CHD7: variants seen among roughly 807,000 people sequenced by gnomAD.
The protein encoded by CHD7 is ATP-dependent chromatin remodeler CHD7.
In CHD7, 24 loss-of-function variants were observed where a neutral mutation model predicts 307.3. That is an observed-to-expected ratio of 0.08 (90% CI 0.06 to 0.11). The LOEUF is 0.11. Ranked by LOEUF, CHD7 falls within the 10% of genes least tolerant of loss-of-function variation. The pLI is 1.00. For synonymous variants in CHD7, 1,363 were observed against 1,349.9 expected, an observed-to-expected ratio of 1.01 and a Z score of -0.21; for missense variants, 3,106 against 3,727.1, an observed-to-expected ratio of 0.83 and a Z score of 4.34.
chr8:60,791,023 G>A (rs1373518115), intron 3 of CHD7, among the ~76,000 whole-genome samples: 2 of 152,112 alleles, frequency 1.3e-5, no homozygotes, highest in Middle Eastern at 3.2e-3. Flanking sequence ...TGTATGCCTG[G>A]AAGCATAAGA....
At chr8:60,714,305 C>T (rs976582234) in intron 1 of CHD7, among the ~76,000 whole-genome samples, 2 of 151,766 alleles carry the variant, frequency 1.3e-5, no homozygotes, top group Non-Finnish European at 2.9e-5. Context: ...GCGCTCGCTT[C>T]ACCTCATGCC....
intron 6 of CHD7, among the ~76,000 whole-genome samples, chr8:60,805,402 A>G (rs775908060): frequency 2.6e-5 from 4 of 152,200 alleles, no homozygotes; most frequent in Admixed American, 6.5e-5. Context: ...TGAAACATCC[A>G]AAAGATAACA....
intron 37 of CHD7, chr8:60,863,726 ATC>A (rs1293224552): frequency 1.3e-5 from 2 of 148,484 alleles, no homozygotes; most frequent in Non-Finnish European, 3.0e-5. Context: ...CCCATACAAT[ATC>A]TTTTTTTTTC....
chr8:60,688,192 G>A (rs369606898), intron 1 of CHD7, among the ~76,000 whole-genome samples: 10 of 152,144 alleles, frequency 6.6e-5, no homozygotes, highest in South Asian at 2.1e-4. Context: ...CTTCTGAGGC[G>A]GCTGAGAATT....
At chr8:60,690,133 C>T (rs1792896716) in intron 1 of CHD7, among the ~76,000 whole-genome samples, 1 of 151,772 alleles carries the variant, frequency 6.6e-6, no homozygotes, top group African/African-American at 2.4e-5. Context: ...GTATACAGTT[C>T]AAATGTATAA....
chr8:60,857,592 A>G (rs1261388724), intron 34 of CHD7, among the ~76,000 whole-genome samples: 1 of 152,196 alleles, frequency 6.6e-6, no homozygotes, highest in African/African-American at 2.4e-5. Context: ...TCTTGAACCT[A>G]TTGACCAGAA....
chr8:60,700,619 C>T (rs965644147), intron 1 of CHD7, among the ~76,000 whole-genome samples: 7 of 152,164 alleles, frequency 4.6e-5, no homozygotes, highest in African/African-American at 7.2e-5. Flanking sequence ...GGTTGGGTGC[C>T]GGCTGGTGCC....
At chr8:60,800,624 C>A in intron 5 of CHD7, 99 bp downstream of exon 5, 1 of 1,193,730 alleles carries the variant, frequency 8.4e-7, no homozygotes, top group Non-Finnish European at 1.2e-6. Flanking sequence ...ATTGGACTTT[C>A]AGCAGGGGAA....
chr8:60,716,963 T>C (rs1223155110), intron 1 of CHD7, among the ~76,000 whole-genome samples: 1 of 152,120 alleles, frequency 6.6e-6, no homozygotes, highest in Admixed American at 6.5e-5. Context: ...TTGAAGACAG[T>C]GTTTCTCTTT....
Position 60,783,733 on chromosome 8 carries a change from A to G in CHD7, c.2096+2303A>G, listed in dbSNP as rs1221278612. Among the ~76,000 whole-genome samples the G allele has an allele frequency of 2.0e-5, 3 of 152,196 alleles. No individual in the cohort carries two copies. In the East Asian group the frequency reaches 5.8e-4, roughly 29 times the overall value. On this transcript the variant is annotated intron_variant, in intron 3 of 37. Transcript: ENST00000423902. ...CCTGCGGATTTACAGGTTAAACGGG[A>G]GCTGCTGCAGTGTGGCCCAAAGACT...
chr8:60,792,408 G>T (rs572065203), intron 3 of CHD7, among the ~76,000 whole-genome samples: 3 of 151,428 alleles, frequency 2.0e-5, no homozygotes, highest in Admixed American at 6.6e-5. Context: ...CTTTTTTTTT[G>T]ACTTCCTAGG....
intron 1 of CHD7, among the ~76,000 whole-genome samples, chr8:60,711,812 C>T (rs551411753): frequency 3.9e-5 from 6 of 152,204 alleles, no homozygotes; most frequent in South Asian, 2.1e-4. Context: ...TAGATTGAGA[C>T]GCTTTTGTTG....
At chr8:60,784,036 C>T (rs951338911) in intron 3 of CHD7, among the ~76,000 whole-genome samples, 3 of 152,116 alleles carry the variant, frequency 2.0e-5, no homozygotes, top group Non-Finnish European at 4.4e-5. Context: ...ATTGTGGTCT[C>T]GTTGTTCTAC....
rs567756521 is a variant in CHD7, at chr8:60,853,279, A to T, written c.6554A>T (p.Glu2185Val). The T allele has an allele frequency of 6.2e-6, 10 of 1,611,850 alleles. No homozygotes were observed. In the African/African-American group the frequency reaches 1.1e-4, roughly 17 times the overall value. ...GAGCCTGAAAACCCAGCTGCCAAGGAGAAATGTGAGGGCAAAGAAGAGGAA... is the reference window on the plus strand; with the variant it reads ...GAGCCTGAAAACCCAGCTGCCAAGGTGAAATGTGAGGGCAAAGAAGAGGAA... ...VEEPENPAAK[E>V]KCEGKEEEEE... is the part of the protein sequence containing the mutation. The change falls in exon 31 of 38, where the codon GAG becomes GTG. Residue 2185 changes from glutamate (E) to valine (V), a missense_variant. This residue lies in a region of CHD7 where 1,030 missense variants were observed against 1,165.4 expected (regional missense o/e 0.88). Transcript: ENST00000423902.
At chr8:60,758,953 A>G (rs568009081) in intron 2 of CHD7, among the ~76,000 whole-genome samples, 10 of 152,326 alleles carry the variant, frequency 6.6e-5, no homozygotes, top group African/African-American at 2.2e-4. Context: ...AAGAATAACA[A>G]TTACCAGCGT....
intron 6 of CHD7, among the ~76,000 whole-genome samples, chr8:60,807,849 A>G (rs1402091600): frequency 6.6e-6 from 1 of 152,268 alleles, no homozygotes; most frequent in Non-Finnish European, 1.5e-5. Flanking sequence ...CATTCAGGAG[A>G]GCAGTTGCTA....
intron 3 of CHD7, among the ~76,000 whole-genome samples, chr8:60,794,747 T>C (rs1811937070): frequency 2.0e-5 from 3 of 152,232 alleles, no homozygotes; most frequent in Admixed American, 2.0e-4. Context: ...AAATGTACTA[T>C]GTGTGGTATT....
At chr8:60,795,316 C>T (rs1218604863) in intron 4 of CHD7, among the ~76,000 whole-genome samples, 189 bp downstream of exon 4, 1 of 152,098 alleles carries the variant, frequency 6.6e-6, no homozygotes, top group Non-Finnish European at 1.5e-5. Context: ...AAATTATACT[C>T]CTGACAAGAG....
chr8:60,733,173 C>T (rs1808539653), intron 1 of CHD7, among the ~76,000 whole-genome samples: 1 of 151,220 alleles, frequency 6.6e-6, no homozygotes, highest in Admixed American at 6.6e-5. Flanking sequence ...AGTTGGGAGA[C>T]TGCAGTGAGC....
Sources: gnomAD v4.1 joint callset for allele counts (sites outside exome capture counted in the v4.1 genomes callset) on GRCh38, gnomAD v4.1.1 for gene constraint, gnomAD v4.1.1 regional missense constraint, MANE v1.5 for transcripts, NCBI Gene and HGNC (gene_info 2026-07-23, HGNC 2026-07-21) for gene names.